The following COL4A1 variants were observed in gnomAD, a reference collection of about 807,000 sequenced individuals.
The protein encoded by COL4A1 is collagen alpha-1(IV) chain.
In COL4A1, 40 loss-of-function variants were observed where a neutral mutation model predicts 216.6. That is an observed-to-expected ratio of 0.18 (90% CI 0.14 to 0.24). The LOEUF (loss-of-function observed/expected upper bound fraction) is 0.24, where lower values mean the gene tolerates loss of function less well. Ranked by LOEUF, COL4A1 falls within the 10% of genes least tolerant of loss-of-function variation. The probability of loss-of-function intolerance (pLI) is 1.00; values close to 1 mark genes in which losing one functional copy is unlikely to be tolerated. For missense variants in COL4A1, 1,628 were observed against 2,196.8 expected, an observed-to-expected ratio of 0.74 and a Z score of 5.18; for synonymous variants, 839 against 810.7, an observed-to-expected ratio of 1.03 and a Z score of -0.59.
At chr13:110,165,631 C>G (rs77949886) in intron 45 of COL4A1, among the ~76,000 whole-genome samples, 1,925 of 150,846 alleles carry the variant, frequency 0.013, 44 homozygotes, top group African/African-American at 0.043. Context: ...TCCTTGGGTT[C>G]CACTTCTCAG....
intron 24 of COL4A1, chr13:110,190,715 T>C (rs972507567): frequency 1.3e-5 from 2 of 152,172 alleles, no homozygotes; most frequent in African/African-American, 2.4e-5. Flanking sequence ...CAGCTTCCAA[T>C]AAAAGGAAAA....
intron 21 of COL4A1, among the ~76,000 whole-genome samples, chr13:110,196,312 GCTC>G (rs776429498): frequency 6.6e-6 from 1 of 152,196 alleles, no homozygotes; most frequent in Admixed American, 6.5e-5. Flanking sequence ...GTCCTGCCTG[GCTC>G]CTCGTTAGCC....
chr13:110,161,349 G>A lies in COL4A1; in HGVS notation c.4483C>T (p.Arg1495Cys), dbSNP rs539786257. 37 of 1,613,198 alleles carry A rather than the reference G, an allele frequency of 2.3e-5. 1 individual carries two copies. The highest frequency in any genetic ancestry group is 4.0e-5 in the African/African-American group (3 of 75,028). ...AGGAAGGGCATTGTGCTGAACTTGC[G>A]CAGGCAGCTGCCGGCCGTGCCTAGA... ...QDLGTAGSCL[R>C]KFSTMPFLFC... The change falls in exon 49 of 52, where the codon CGC becomes TGC. Residue 1495 changes from arginine (R) to cysteine (C), a missense_variant. Physicochemically the swap from Arg to Cys is radical, Grantham distance 180 (BLOSUM62 -3). Around this residue, in one of 8 missense-constraint regions of COL4A1, gnomAD observed 254 missense variants for 300.1 expected, o/e 0.85. Coordinates refer to ENST00000375820, the MANE Select transcript of COL4A1 (RefSeq NM_001845.6).
At chr13:110,185,169 G>A (rs889250217) in intron 26 of COL4A1, among the ~76,000 whole-genome samples, 3 of 151,370 alleles carry the variant, frequency 2.0e-5, no homozygotes, top group African/African-American at 4.9e-5. Flanking sequence ...TTTTTGAGAC[G>A]GAGTCTCACT....
chr13:110,236,121 A>G (rs989568570), intron 2 of COL4A1, among the ~76,000 whole-genome samples: 10 of 152,244 alleles, frequency 6.6e-5, no homozygotes, highest in African/African-American at 2.2e-4. Context: ...GTTACAATAT[A>G]GCACAAAAAC....
Position 110,161,313 on chromosome 13 carries a change from T to C in COL4A1, c.4519A>G (p.Ile1507Val). The C allele has an allele frequency of 6.2e-7, 1 of 1,614,192 alleles. No homozygotes were observed. Among genetic ancestry groups the C allele is most frequent in the Non-Finnish European group, 8.5e-7 (1 of 1,180,040 alleles). The change falls in exon 49 of 52, where the codon ATT (isoleucine) becomes GTT (valine). Residue 1507 changes from isoleucine (I) to valine (V), a missense_variant. Around this residue, in one of 8 missense-constraint regions of COL4A1, gnomAD observed 254 missense variants for 300.1 expected, o/e 0.85. Transcript: ENST00000375820. ...GATGCAAAGTTGCACACGTTGTTAA[T>C]ATTGCAGAACAGGAAGGGCATTGTG... ...FSTMPFLFCN[I>V]NNVCNFASRN...
chr13:110,255,909 A>C (rs188189418), intron 1 of COL4A1, among the ~76,000 whole-genome samples: 1 of 127,634 alleles, frequency 7.8e-6, no homozygotes, highest in East Asian at 2.4e-4. Context: ...AGGGAGGGGG[A>C]AGGCAGGAAG....
At chr13:110,236,213 T>C (rs1334950948) in intron 2 of COL4A1, among the ~76,000 whole-genome samples, 1 of 152,220 alleles carries the variant, frequency 6.6e-6, no homozygotes, top group Non-Finnish European at 1.5e-5. Flanking sequence ...CATTGCAATG[T>C]CTCTGGCAAT....
intron 1 of COL4A1, among the ~76,000 whole-genome samples, chr13:110,305,273 G>A (rs963646680): frequency 2.6e-5 from 4 of 152,216 alleles, no homozygotes; most frequent in African/African-American, 9.6e-5. Context: ...GAATGTAATT[G>A]AGCTTTAGGA....
intron 1 of COL4A1, among the ~76,000 whole-genome samples, chr13:110,262,230 G>A (rs953678962): frequency 6.6e-5 from 10 of 152,058 alleles, no homozygotes; most frequent in Admixed American, 3.3e-4. Context: ...CAAGGACCGC[G>A]AGGTCTGCAA....
chr13:110,225,296 C>T (rs757614612), intron 2 of COL4A1, among the ~76,000 whole-genome samples: 21 of 152,132 alleles, frequency 1.4e-4, no homozygotes, highest in Non-Finnish European at 2.4e-4. Context: ...AATATTTTCA[C>T]GACTGGGCCG....
intron 1 of COL4A1, among the ~76,000 whole-genome samples, chr13:110,244,581 T>C (rs536412570): frequency 1.6e-4 from 24 of 152,218 alleles, no homozygotes; most frequent in Middle Eastern, 3.4e-3. Flanking sequence ...TCACCAGAGG[T>C]ACCTAACTCA....
At chr13:110,304,171 A>G (rs1884599415) in intron 1 of COL4A1, among the ~76,000 whole-genome samples, 3 of 152,186 alleles carry the variant, frequency 2.0e-5, no homozygotes, top group African/African-American at 7.2e-5. Flanking sequence ...GCTTGCAGAT[A>G]TAAGGAATAG....
intron 1 of COL4A1, among the ~76,000 whole-genome samples, chr13:110,279,273 G>A (rs1209762185): frequency 5.3e-5 from 8 of 151,996 alleles, no homozygotes; most frequent in Non-Finnish European, 8.8e-5. Context: ...AATAATCATC[G>A]CTCCCCATGG....
At chr13:110,221,369 T>C (rs537714153) in intron 2 of COL4A1, among the ~76,000 whole-genome samples, 1 of 152,322 alleles carries the variant, frequency 6.6e-6, no homozygotes, top group Non-Finnish European at 1.5e-5. Context: ...GAAAATACTT[T>C]CTAAAGAACT....
At position 110,162,308 on chromosome 13, in the gene COL4A1, A is replaced by G. The variant is rs1333328845; in HGVS notation, c.4384T>C (p.Ser1462Pro). 1 of 1,614,232 alleles carries G rather than the reference A, an allele frequency of 6.2e-7. No individual in the cohort carries two copies. Among genetic ancestry groups the G allele is most frequent in the Non-Finnish European group, 8.5e-7 (1 of 1,180,032 alleles). The change falls in exon 48 of 52, where the codon TCT (serine) becomes CCT (proline). Residue 1462 changes from serine to proline, a missense_variant. Transcript: ENST00000375820. ...SQTIDDPQCP[S>P]GTKILYHGYS... is the part of the protein sequence containing the mutation. ...CCGTGGTAAAGAATTTTGGTCCCAG[A>G]AGGACACTGTGGGTCATCTATTGTT...
intron 2 of COL4A1, among the ~76,000 whole-genome samples, chr13:110,221,591 C>T (rs1328969012): frequency 6.6e-6 from 1 of 152,162 alleles, no homozygotes; most frequent in East Asian, 1.9e-4. Context: ...TACCAAAGTT[C>T]CAGACATTTG....
chr13:110,197,562 A>G (rs1878962452), intron 21 of COL4A1, among the ~76,000 whole-genome samples: 1 of 152,100 alleles, frequency 6.6e-6, no homozygotes, highest in Admixed American at 6.6e-5. Context: ...CAGAGGAGAA[A>G]AGTTCCCCAA....
rs763020830 is a variant in COL4A1, at chr13:110,163,522, A to T, written c.4190T>A (p.Ile1397Asn). The T allele has an allele frequency of 9.9e-6, 16 of 1,614,154 alleles. No homozygotes were observed. The highest frequency in any genetic ancestry group is 1.7e-5 in the Admixed American group (1 of 60,020). ...GCCAGGGGCACCGTCAAACCCAGGA[A>T]TACCTGGAGGTCCAGGTATACCCAC... ...GLVGIPGPPG[I>N]PGFDGAPGQK... Residue 1397 changes from isoleucine (I) to asparagine (N), a missense_variant, in exon 47 of 52, where the codon ATT (isoleucine) becomes AAT (asparagine). By Grantham distance (149) the Ile-to-Asn change is moderately radical. Transcript: ENST00000375820.
Sources: allele counts gnomAD v4.1 joint callset (sites outside exome capture counted in the v4.1 genomes callset), GRCh38; gene constraint gnomAD v4.1.1; regional missense constraint gnomAD v4.1.1; transcripts MANE v1.5; gene names NCBI Gene and HGNC (gene_info 2026-07-23, HGNC 2026-07-21).